PCDHA4: variants seen among roughly 807,000 people sequenced by gnomAD.
The protein encoded by PCDHA4 is protocadherin alpha-4.
PCDHA4 carries 49 observed loss-of-function variants against 61.4 expected under a neutral mutation model. The observed-to-expected ratio is 0.80, with a 90% CI of 0.63 to 1.01. The LOEUF (loss-of-function observed/expected upper bound fraction) is 1.01, where lower values mean the gene tolerates loss of function less well. PCDHA4 is among the 50% of genes least tolerant of loss of function. The pLI is 0.00. For missense variants in PCDHA4, 1,254 were observed against 1,235.8 expected (o/e 1.01, Z -0.22); for synonymous variants, 590 against 550.3 (o/e 1.07, Z -1.01).
At chr5:140,903,403 C>T (rs2070268499) in intron 1 of PCDHA4, among the ~76,000 whole-genome samples, 1 of 152,156 alleles carries the variant, frequency 6.6e-6, no homozygotes, top group Non-Finnish European at 1.5e-5. Flanking sequence ...AACAGTAGTG[C>T]AGTCAGGAAA....
intron 1 of PCDHA4, among the ~76,000 whole-genome samples, chr5:140,820,259 C>T (rs1766721633): frequency 6.6e-6 from 1 of 151,944 alleles, no homozygotes; most frequent in African/African-American, 2.4e-5. Context: ...TATAAGGGAA[C>T]TGGTAAATAT....
chr5:140,904,584 A>T (rs1434719463), intron 1 of PCDHA4, among the ~76,000 whole-genome samples: 1 of 152,088 alleles, frequency 6.6e-6, no homozygotes, highest in African/African-American at 2.4e-5. Context: ...GACACCCAGT[A>T]GTGGGACTGC....
intron 1 of PCDHA4, among the ~76,000 whole-genome samples, chr5:140,837,994 C>CA (rs1554136741): frequency 6.6e-6 from 1 of 150,494 alleles, no homozygotes; most frequent in Non-Finnish European, 1.5e-5. Context: ...TTCATCTTTC[C>CA]TTTTTTTTAA....
chr5:140,824,055 G>A, intron 1 of PCDHA4: 1 of 1,614,112 alleles, frequency 6.2e-7, no homozygotes, highest in Non-Finnish European at 8.5e-7. Flanking sequence ...TGTGCTCTGG[G>A]GAAGCTCCAC....
At chr5:140,855,877 C>CT in intron 1 of PCDHA4, 1 of 897,114 alleles carries the variant, frequency 1.1e-6, no homozygotes, top group African/African-American at 1.7e-5. Flanking sequence ...CACAAAATAG[C>CT]TTTTTAGAAC....
chr5:140,809,241 G>T lies in PCDHA4; in HGVS notation c.2054G>T (p.Gly685Val), dbSNP rs1241553010. 4 of 1,613,960 alleles carry T rather than the reference G, an allele frequency of 2.5e-6. No individual in the cohort carries two copies. In the African/African-American group the frequency reaches 5.3e-5, roughly 22 times the overall value. ...APKASSRALV[G>V]AVGPDAALVD... ...AAGGCCTCCTCACGGGCGTTGGTGG[G>T]CGCTGTGGGTCCCGATGCTGCGCTG... The change falls in exon 1 of 4, where the codon GGC becomes GTC. Residue 685 changes from glycine to valine, a missense_variant. Coordinates refer to ENST00000530339, the MANE Select transcript of PCDHA4 (RefSeq NM_018907.4).
rs1389969210 is a variant in PCDHA4, at chr5:140,877,650, G to T, written c.2385+68078G>T. The T allele has an allele frequency of 3.1e-6, 5 of 1,613,390 alleles. No individual in the cohort carries two copies. The African/African-American group carries it at 6.7e-5, about 22-fold the overall frequency. ...ACACTGCGCTGCGTTGCTCAGCGCC[G>T]CCCACCGTGAGCCGGTGCGCGCCGG... On this transcript the variant is annotated intron_variant, in intron 1 of 3. Coordinates refer to ENST00000530339, the MANE Select transcript of PCDHA4 (RefSeq NM_018907.4).
chr5:140,836,641 A>G, intron 1 of PCDHA4: 1 of 1,613,486 alleles, frequency 6.2e-7, no homozygotes, highest in South Asian at 1.1e-5. Flanking sequence ...TTCTCCCAGC[A>G]GAGGCGGCAG....
intron 1 of PCDHA4, among the ~76,000 whole-genome samples, chr5:140,873,346 T>C (rs1235906519): frequency 1.5e-4 from 23 of 152,226 alleles, no homozygotes; most frequent in African/African-American, 4.8e-4. Flanking sequence ...CATCTCCAGA[T>C]GAAATTTTTG....
intron 3 of PCDHA4, among the ~76,000 whole-genome samples, chr5:141,005,923 G>A (rs1424300772): frequency 6.6e-6 from 1 of 151,914 alleles, no homozygotes; most frequent in East Asian, 1.9e-4. Context: ...CTTCAGCCTG[G>A]TTGACAGAGT....
intron 1 of PCDHA4, among the ~76,000 whole-genome samples, chr5:140,937,780 C>T (rs1459266022): frequency 3.3e-5 from 5 of 151,656 alleles, no homozygotes; most frequent in African/African-American, 7.3e-5. Flanking sequence ...GGCGTGGTGG[C>T]GGGCGTATGT....
Position 140,808,893 on chromosome 5 carries a change from G to C in PCDHA4, c.1706G>C (p.Arg569Pro). The stretch of plus-strand genomic sequence containing the variant: ...AACGCGCCAGCACTGCTAGCGCCTC[G>C]GGCGGGTGGCACTGGTGGCGCAGTG... ...NDNAPALLAP[R>P]AGGTGGAVSE... is the part of the protein sequence containing the mutation. The change falls in exon 1 of 4, where the codon CGG (arginine) becomes CCG (proline). Residue 569 changes from arginine to proline, a missense_variant. Transcript: ENST00000530339. The C allele has an allele frequency of 6.2e-7, 1 of 1,613,410 alleles. No individual in the cohort carries two copies. Among genetic ancestry groups the C allele is most frequent in the South Asian group, 1.1e-5 (1 of 91,060 alleles).
At chr5:140,864,058 A>C (rs993804326) in intron 1 of PCDHA4, 3 of 152,692 alleles carry the variant, frequency 2.0e-5, no homozygotes, top group Non-Finnish European at 1.5e-5. Context: ...TACAGTCACC[A>C]TGAACATTCT....
intron 1 of PCDHA4, among the ~76,000 whole-genome samples, chr5:140,923,207 A>G (rs2081229144): frequency 6.6e-6 from 1 of 152,144 alleles, no homozygotes. Flanking sequence ...TGGGAGGCTA[A>G]GGTGAAAGGA....
At chr5:140,944,291 G>A (rs155813) in intron 1 of PCDHA4, among the ~76,000 whole-genome samples, 48,239 of 151,966 alleles carry the variant, frequency 0.32, 8,008 homozygotes, top group East Asian at 0.53. Flanking sequence ...GGGCTCAAGC[G>A]ATCCTCCTAC....
At chr5:140,991,757 C>T (rs1554252410) in intron 3 of PCDHA4, among the ~76,000 whole-genome samples, 1 of 152,160 alleles carries the variant, frequency 6.6e-6, no homozygotes, top group African/African-American at 2.4e-5. Context: ...CTATCATGCT[C>T]TTCAAAATTC....
intron 1 of PCDHA4, chr5:140,881,378 G>A (rs2058692175): frequency 1.0e-6 from 1 of 984,802 alleles, no homozygotes; most frequent in Non-Finnish European, 1.2e-6. Context: ...ATTGCAGCCG[G>A]CGGCGGTAAG....
intron 1 of PCDHA4, among the ~76,000 whole-genome samples, chr5:140,923,931 A>T (rs1216808903): frequency 2.6e-5 from 4 of 152,118 alleles, no homozygotes; most frequent in Non-Finnish European, 4.4e-5. Flanking sequence ...CTCTGTATGC[A>T]TTTTTCCTTT....
intron 1 of PCDHA4, chr5:140,867,240 G>C (rs538392641): frequency 6.6e-6 from 1 of 152,186 alleles, no homozygotes; most frequent in African/African-American, 2.4e-5. Context: ...TAAGGTGATT[G>C]AGGATCTGTT....
Sources: allele counts gnomAD v4.1 joint callset (sites outside exome capture counted in the v4.1 genomes callset), GRCh38; gene constraint gnomAD v4.1.1; transcripts MANE v1.5; gene names NCBI Gene and HGNC (gene_info 2026-07-23, HGNC 2026-07-21).